LAMC2: variants seen among roughly 807,000 people sequenced by gnomAD.
LAMC2 encodes laminin subunit gamma 2.
In LAMC2, 97 loss-of-function variants were observed where a neutral mutation model predicts 140.2. That is an observed-to-expected ratio of 0.69 (90% confidence interval 0.59 to 0.82). The LOEUF (loss-of-function observed/expected upper bound fraction) is 0.82, where lower values mean the gene tolerates loss of function less well. Ranked by LOEUF, LAMC2 falls within the 40% of genes least tolerant of loss-of-function variation. The pLI is 0.00. For missense variants in LAMC2, 1,402 were observed against 1,476.1 expected (o/e 0.95, Z 0.82); for synonymous variants, 513 against 540.2 (o/e 0.95, Z 0.70).
chr1:183,223,007 T>G, intron 6 of LAMC2, 128 bp from the exon 7 acceptor site: 1 of 793,472 alleles, frequency 1.3e-6, no homozygotes, highest in Non-Finnish European at 2.1e-6. Context: ...CTGACTCTCC[T>G]AGCAAGGAGT....
intron 22 of LAMC2, 109 bp downstream of exon 22, chr1:183,240,500 G>A: frequency 6.6e-7 from 1 of 1,511,484 alleles, no homozygotes; most frequent in Non-Finnish European, 8.8e-7. Flanking sequence ...TTTCCTTAAG[G>A]ATATCAGTAA....
At chr1:183,197,625 G>A (rs1305654785) in intron 1 of LAMC2, among the ~76,000 whole-genome samples, 5 of 151,392 alleles carry the variant, frequency 3.3e-5, no homozygotes, top group East Asian at 1.9e-4. Context: ...GCTGTGAGCC[G>A]AGATCGTGCT....
chr1:183,237,647 G>A, intron 18 of LAMC2, 143 bp downstream of exon 18: 1 of 831,064 alleles, frequency 1.2e-6, no homozygotes, highest in East Asian at 2.7e-5. Context: ...TGGAGGCCAA[G>A]CCAGGAGGAT....
At chr1:183,208,123 G>A (rs1302522708) in intron 2 of LAMC2, 54 bp downstream of exon 2, 2 of 1,468,406 alleles carry the variant, frequency 1.4e-6, no homozygotes, top group Admixed American at 1.7e-5. Context: ...GGGGAGACAA[G>A]AGGGAAGGAA....
Position 183,232,695 on chromosome 1 carries a change from C to T in LAMC2, c.2058C>T (p.Ser686=). 1 of 1,613,536 alleles carries T rather than the reference C, an allele frequency of 6.2e-7. No homozygotes were observed. The highest frequency in any genetic ancestry group is 8.5e-7 in the Non-Finnish European group (1 of 1,179,930). ...SLGLQLAKVR[S]QENSYQSRLD... ...GTCTCCAGTTGGCCAAGGTGAGGAG[C>T]CAAGAGAACAGCTACCAGAGCCGCC... Residue 686 remains serine (S), a synonymous_variant, in exon 14 of 23, where the codon AGC becomes AGT. Transcript: ENST00000264144.
chr1:183,239,768 G>A, intron 20 of LAMC2: 1 of 636,310 alleles, frequency 1.6e-6, no homozygotes, highest in Non-Finnish European at 2.7e-6. Flanking sequence ...TTTCCCAAAT[G>A]GTTCCTAACT....
Position 183,237,383 on chromosome 1 carries a change from C to T in LAMC2, c.2633C>T (p.Ala878Val), listed in dbSNP as rs372656810. 95 of 1,613,934 alleles carry T rather than the reference C, an allele frequency of 5.9e-5. No homozygotes were observed. The highest frequency in any genetic ancestry group is 2.5e-4 in the Admixed American group (15 of 59,988). ...GAAGCAAAGAGGATCAAACAAAAAG[C>T]GGATTCACTCTCAAGCCTGGTAACC... ...VEEAKRIKQK[A>V]DSLSSLVTRH... Residue 878 changes from alanine to valine, a missense_variant, in exon 18 of 23, where the codon GCG (alanine) becomes GTG (valine). This residue lies in a region of LAMC2 where 670 missense variants were observed against 667.2 expected (regional missense o/e 1.00). Transcript: ENST00000264144.
intron 2 of LAMC2, 87 bp from the exon 3 acceptor site, chr1:183,215,366 A>G (rs1352437972): frequency 6.8e-7 from 1 of 1,476,520 alleles, no homozygotes; most frequent in Non-Finnish European, 9.4e-7. Context: ...TTTACGGAGC[A>G]CCCATAGGGT....
chr1:183,225,489 C>A, intron 7 of LAMC2, 119 bp from the exon 8 acceptor site: 1 of 763,280 alleles, frequency 1.3e-6, no homozygotes, highest in Non-Finnish European at 2.4e-6. Context: ...GTCCTATGCC[C>A]CCTTCTAAGC....
chr1:183,254,440 T>A, the LAMC2 span, among the ~76,000 whole-genome samples: 12 of 152,150 alleles, frequency 7.9e-5, no homozygotes, highest in Non-Finnish European at 1.8e-4. Flanking sequence ...GTTTGTTTGT[T>A]TGTTTGCTTT....
At chr1:183,213,203 A>C (rs559529585) in intron 2 of LAMC2, among the ~76,000 whole-genome samples, 44 of 152,352 alleles carry the variant, frequency 2.9e-4, no homozygotes, top group Admixed American at 9.8e-4. Flanking sequence ...AAAGTGCCTA[A>C]CTCAACATCT....
At chr1:183,198,291 G>T (rs937854996) in intron 1 of LAMC2, among the ~76,000 whole-genome samples, 5 of 151,848 alleles carry the variant, frequency 3.3e-5, no homozygotes, top group Non-Finnish European at 7.4e-5. Context: ...ACAGGTGCCT[G>T]CCACCACACC....
intron 1 of LAMC2, among the ~76,000 whole-genome samples, chr1:183,205,615 A>T (rs1658858367): frequency 6.6e-6 from 1 of 152,214 alleles, no homozygotes; most frequent in Admixed American, 6.5e-5. Context: ...ATTATGACAT[A>T]GGAAGTGGTT....
chr1:183,191,450 T>A (rs1004054555), intron 1 of LAMC2, among the ~76,000 whole-genome samples: 1 of 151,986 alleles, frequency 6.6e-6, no homozygotes, highest in Non-Finnish European at 1.5e-5. Context: ...CCTGGGAATA[T>A]CTTTCCCATT....
At chr1:183,257,805 C>T in the LAMC2 span, among the ~76,000 whole-genome samples, 1 of 147,860 alleles carries the variant, frequency 6.8e-6, no homozygotes, top group Non-Finnish European at 1.5e-5. Flanking sequence ...TTTCAAAAAA[C>T]CAACTCTTCA....
At position 183,238,552 on chromosome 1, in the gene LAMC2, T is replaced by C. The variant is rs933687010; in HGVS notation, c.2869+131T>C. Reference sequence around the variant, plus strand: ...ATTAATAGATCCTTAGTAAATATCTTTCTAAAGAAAATCTTAATGCATTAA... The same window carrying C: ...ATTAATAGATCCTTAGTAAATATCTCTCTAAAGAAAATCTTAATGCATTAA... On this transcript the variant is annotated intron_variant, in intron 19 of 22. Transcript: ENST00000264144. 4 of 663,238 alleles carry C rather than the reference T, an allele frequency of 6.0e-6. No individual in the cohort carries two copies. In the Admixed American group the frequency reaches 9.7e-5, roughly 16 times the overall value. The allele number at this position is 663,238 out of a possible 1,614,324, so 41.1% of individuals were successfully genotyped here.
chr1:183,254,362 C>T, the LAMC2 span, among the ~76,000 whole-genome samples: 2 of 152,054 alleles, frequency 1.3e-5, no homozygotes, highest in African/African-American at 4.8e-5. Flanking sequence ...TTTTTATGCA[C>T]CTGTTAGCAA....
chr1:183,209,680 G>A (rs554357032), intron 2 of LAMC2, among the ~76,000 whole-genome samples: 2 of 152,318 alleles, frequency 1.3e-5, no homozygotes, highest in East Asian at 3.9e-4. Flanking sequence ...CCAGAGTTGG[G>A]TCATCCCAGT....
intron 1 of LAMC2, among the ~76,000 whole-genome samples, chr1:183,202,374 A>T (rs1031474631): frequency 2.0e-5 from 3 of 152,212 alleles, no homozygotes; most frequent in Non-Finnish European, 4.4e-5. Flanking sequence ...AAATAAATAT[A>T]CATCTCATTG....
Sources: gnomAD v4.1 joint callset for allele counts (sites outside exome capture counted in the v4.1 genomes callset) on GRCh38, gnomAD v4.1.1 for gene constraint, gnomAD v4.1.1 regional missense constraint, MANE v1.5 for transcripts, NCBI Gene and HGNC (gene_info 2026-07-23, HGNC 2026-07-21) for gene names.